The following RPP14 variants were observed in gnomAD, a reference collection of about 807,000 sequenced individuals.
RPP14 encodes the protein ribonuclease P protein subunit p14.
A neutral mutation model predicts 17.8 loss-of-function variants in RPP14; 19 were observed. That is an observed-to-expected ratio of 1.07 (90% CI 0.74 to 1.57). The LOEUF (loss-of-function observed/expected upper bound fraction) is 1.57. RPP14 is among the 40% of genes most tolerant of loss of function. The pLI is 0.00. For missense variants in RPP14, 125 were observed against 140.8 expected (o/e 0.89, Z 0.57); for synonymous variants, 60 against 56.4 (o/e 1.06, Z -0.29).
rs1045557671 is a variant in RPP14 at position 58,319,314 on chromosome 3, A to G, written c.*1818A>G. The G allele has an allele frequency of 6.6e-6, 1 of 152,220 alleles. No individual in the cohort carries two copies. Among genetic ancestry groups the G allele is most frequent in the Non-Finnish European group, 1.5e-5 (1 of 68,044 alleles). 9.4% of individuals were successfully genotyped at this position (152,220 alleles called of 1,614,324 possible). On this transcript the variant is annotated 3_prime_UTR_variant, in exon 6 of 6. Transcript: ENST00000295959. ...TGTGCATCCTCGGTCTCAGTTATGT[A>G]AACGGTCTGATCTGTAAAATAGTGG...
chr3:58,317,416 T>C lies in RPP14; in HGVS notation c.319-24T>C, dbSNP rs1196108126. ...CTTCAGTGTGGTTTCTCCCAATGCC[T>C]TAACCTTTTTCTTTCTCTTCTAGGT... On this transcript the variant is annotated intron_variant, in intron 5 of 5. Coordinates refer to ENST00000295959, the MANE Select transcript of RPP14 (RefSeq NM_007042.6). The C allele has an allele frequency of 1.9e-6, 3 of 1,550,262 alleles. No individual in the cohort carries two copies. In the South Asian group the frequency reaches 3.4e-5, roughly 17 times the overall value.
intron 3 of RPP14, among the ~76,000 whole-genome samples, chr3:58,315,182 A>T (rs1477341062): frequency 2.0e-5 from 3 of 152,196 alleles, no homozygotes; most frequent in African/African-American, 7.2e-5. Flanking sequence ...ACTGTGGTAC[A>T]TTCCTACTAT....
chr3:58,317,714 T>C lies in RPP14; in HGVS notation c.*218T>C. On this transcript the variant is annotated 3_prime_UTR_variant, in exon 6 of 6. Coordinates refer to ENST00000295959, the MANE Select transcript of RPP14 (RefSeq NM_007042.6). ...CTGACCCTGCAGCACTTTCAGCATA[T>C]GCACATCAAAGTTGGAGACCGCGCT... 1 of 704,044 alleles carries C rather than the reference T, an allele frequency of 1.4e-6. No homozygotes were observed. The allele number at this position is 704,044 out of a possible 1,614,324, so 43.6% of individuals were successfully genotyped here. A position where few individuals can be genotyped will look rare whatever the true frequency, so the allele number is the denominator to read the frequency against.
chr3:58,317,368 G>T (rs1293398994), intron 5 of RPP14, 72 bp from the exon 6 acceptor site: 2 of 983,514 alleles, frequency 2.0e-6, no homozygotes, highest in Non-Finnish European at 3.1e-6. Context: ...GTAAAACTGG[G>T]CATGTTTCCC....
At chr3:58,311,279 CT>C (rs1451909400) in intron 3 of RPP14, among the ~76,000 whole-genome samples, 2 of 152,136 alleles carry the variant, frequency 1.3e-5, no homozygotes, top group African/African-American at 2.4e-5. Flanking sequence ...CTTAGCCCCC[CT>C]GGTAGCTGAG....
chr3:58,314,728 G>A (rs958674299), intron 3 of RPP14, among the ~76,000 whole-genome samples: 2 of 127,406 alleles, frequency 1.6e-5, no homozygotes, highest in Non-Finnish European at 3.1e-5. Flanking sequence ...TTCTGTCACC[G>A]GGCTGGAGTG....
intron 5 of RPP14, 81 bp from the exon 6 acceptor site, chr3:58,317,359 T>A (rs2097489391): frequency 1.1e-6 from 1 of 923,018 alleles, no homozygotes; most frequent in Non-Finnish European, 1.7e-6. Context: ...GTTTATCCTG[T>A]AAAACTGGGC....
At chr3:58,313,186 G>T (rs2107505000) in intron 3 of RPP14, among the ~76,000 whole-genome samples, 1 of 151,964 alleles carries the variant, frequency 6.6e-6, no homozygotes. Context: ...ATGAACCCGG[G>T]AGGTGGAGCT....
chr3:58,306,461 T>G (rs1258085958), intron 1 of RPP14, 44 bp downstream of exon 1: 1 of 152,264 alleles, frequency 6.6e-6, no homozygotes, highest in Non-Finnish European at 1.5e-5. Context: ...CTGGGAGCCG[T>G]CTCAGTTGGC....
At chr3:58,311,151 G>A (rs891270429) in intron 3 of RPP14, among the ~76,000 whole-genome samples, 7 of 151,212 alleles carry the variant, frequency 4.6e-5, no homozygotes, top group African/African-American at 1.7e-4. Context: ...TGTTGTTGTT[G>A]TTGTTGTTGT....
intron 1 of RPP14, among the ~76,000 whole-genome samples, chr3:58,309,157 C>T (rs1001773346): frequency 6.6e-6 from 1 of 152,176 alleles, no homozygotes; most frequent in Non-Finnish European, 1.5e-5. Context: ...CCTCATTCTT[C>T]TCTTTGTGTT....
intron 3 of RPP14, among the ~76,000 whole-genome samples, chr3:58,314,698 T>TGG (rs2097486410): frequency 6.9e-6 from 1 of 145,546 alleles, no homozygotes; most frequent in African/African-American, 2.6e-5. Context: ...TTTTTTTTTT[T>TGG]TTGTTGAGAT....
At position 58,318,706 on chromosome 3, in the gene RPP14, ACT is replaced by A. The variant is rs1162473738; in HGVS notation, c.*1213_*1214del. 2 of 148,838 alleles carry A rather than the reference ACT, an allele frequency of 1.3e-5. No homozygotes were observed. Among genetic ancestry groups the A allele is most frequent in the African/African-American group, 2.5e-5 (1 of 40,274 alleles). 9.2% of individuals were successfully genotyped at this position (148,838 alleles called of 1,614,324 possible). On this transcript the variant is annotated 3_prime_UTR_variant, in exon 6 of 6. Transcript: ENST00000295959. Reference sequence around the variant, plus strand: ...GAAGTATTGGGAAGGTTATTTAAAGACTCTACTTTTAAATCAGGCGTGGCAGC... The same window carrying A: ...GAAGTATTGGGAAGGTTATTTAAAGACTACTTTTAAATCAGGCGTGGCAGC...
chr3:58,316,440 T>C (rs987329345), intron 3 of RPP14, 75 bp from the exon 4 acceptor site: 1 of 1,358,666 alleles, frequency 7.4e-7, no homozygotes. Flanking sequence ...TCAAAACTCA[T>C]TTGTTGTCAA....
In RPP14 at chr3:58,306,322, C is replaced by G. The variant is rs566088797; in HGVS notation, c.-117C>G. 1 of 152,406 alleles carries G rather than the reference C, an allele frequency of 6.6e-6. No homozygotes were observed. The highest frequency in any genetic ancestry group is 1.5e-5 in the Non-Finnish European group (1 of 68,160). The allele number at this position is 152,406 out of a possible 1,614,324, so 9.4% of individuals were successfully genotyped here. A position where few individuals can be genotyped will look rare whatever the true frequency, so the allele number is the denominator to read the frequency against. On this transcript the variant is annotated 5_prime_UTR_variant, in exon 1 of 6. Coordinates refer to ENST00000295959, the MANE Select transcript of RPP14 (RefSeq NM_007042.6). ...TAAAGACACCAGGAGTTTCTCGGGC[C>G]CAGCTGTGGCTGCTGCCGGGGAGCC...
intron 3 of RPP14, among the ~76,000 whole-genome samples, chr3:58,312,226 G>A (rs1290280495): frequency 1.3e-5 from 2 of 152,024 alleles, no homozygotes; most frequent in Non-Finnish European, 2.9e-5. Context: ...TCCCAGTAGT[G>A]TGTGAGGGTT....
At chr3:58,315,972 G>A (rs567671703) in intron 3 of RPP14, among the ~76,000 whole-genome samples, 7 of 152,198 alleles carry the variant, frequency 4.6e-5, no homozygotes, top group African/African-American at 7.2e-5. Context: ...CACTGTGCCC[G>A]GCCAATCCCT....
intron 3 of RPP14, among the ~76,000 whole-genome samples, chr3:58,310,976 A>T (rs750766115): frequency 0.026 from 4,023 of 151,892 alleles, 79 homozygotes; most frequent in Non-Finnish European, 0.037. Context: ...AAAAAAAAAA[A>T]AAAAATAAAT....
intron 1 of RPP14, among the ~76,000 whole-genome samples, chr3:58,307,044 C>T (rs2097475987): frequency 6.6e-6 from 1 of 152,132 alleles, no homozygotes; most frequent in Non-Finnish European, 1.5e-5. Context: ...CCGGTGGCTG[C>T]CTGGAGGAAG....
Sources: gnomAD v4.1 joint callset for allele counts (sites outside exome capture counted in the v4.1 genomes callset) on GRCh38, gnomAD v4.1.1 for gene constraint, MANE v1.5 for transcripts, NCBI Gene and HGNC (gene_info 2026-07-23, HGNC 2026-07-21) for gene names.